TECRL: variants seen among roughly 807,000 people sequenced by gnomAD.
TECRL encodes the protein trans-2,3-enoyl-CoA reductase-like.
Under a neutral mutation model 52.8 loss-of-function variants are expected in TECRL, and 63 were observed. The observed-to-expected ratio is 1.19, with a 90% CI of 0.97 to 1.47. TECRL has a LOEUF of 1.47. Among genes scored for constraint, TECRL ranks in the 40% most tolerant of loss-of-function variants. The pLI, the probability that TECRL is intolerant of heterozygous loss-of-function variation, is 0.00. For synonymous variants in TECRL, 164 were observed against 141.9 expected (o/e 1.16, Z -1.10); for missense variants, 482 against 429.6 (o/e 1.12, Z -1.08).
At chr4:64,318,563 A>G (rs540639311) in intron 4 of TECRL, among the ~76,000 whole-genome samples, 1 of 152,218 alleles carries the variant, frequency 6.6e-6, no homozygotes, top group African/African-American at 2.4e-5. Flanking sequence ...CAAATTGCCG[A>G]TAACAAAACC....
rs771988451 is a variant in TECRL, at chr4:64,409,223, C to T, written c.129G>A (p.Ala43=). 6.2e-6 allele frequency: 10 copies of T among 1,613,754 alleles called. No homozygotes were observed. The highest frequency in any genetic ancestry group is 2.2e-5 in the East Asian group (1 of 44,838). Residue 43 remains alanine, a synonymous_variant, in exon 1 of 12, where the codon GCG becomes GCA. Transcript: ENST00000381210. ...FHFLSKLVLS[A]GPLRPTPAVK... ...CTGCTGGAGTTGGTCTTAGAGGGCC[C>T]GCTGAGAGTACAAGTTTTGACAAAA...
intron 9 of TECRL, among the ~76,000 whole-genome samples, chr4:64,284,945 A>C (rs1398123117): frequency 1.3e-5 from 2 of 152,084 alleles, no homozygotes; most frequent in Non-Finnish European, 2.9e-5. Flanking sequence ...AAACAAATGC[A>C]CATGATAATG....
chr4:64,344,769 C>T (rs1016829199), intron 2 of TECRL, among the ~76,000 whole-genome samples: 7 of 152,126 alleles, frequency 4.6e-5, no homozygotes, highest in Admixed American at 3.9e-4. Flanking sequence ...AATCTGAAAA[C>T]GTTTCAGATA....
At chr4:64,363,983 G>T (rs543515907) in intron 2 of TECRL, among the ~76,000 whole-genome samples, 1 of 151,898 alleles carries the variant, frequency 6.6e-6, no homozygotes, top group Non-Finnish European at 1.5e-5. Context: ...CACACCACAC[G>T]TAATCTAAGA....
At chr4:64,375,324 A>T (rs2109680846) in intron 1 of TECRL, 101 bp from the exon 2 acceptor site, 1 of 566,884 alleles carries the variant, frequency 1.8e-6, no homozygotes, top group East Asian at 3.9e-5. Context: ...ATTCTTACAC[A>T]ATAAGAATTT....
At chr4:64,341,557 A>G (rs1378518789) in intron 2 of TECRL, among the ~76,000 whole-genome samples, 2 of 152,080 alleles carry the variant, frequency 1.3e-5, no homozygotes, top group Non-Finnish European at 2.9e-5. Context: ...GTGAGCTGAG[A>G]TCACATCATT....
At chr4:64,293,234 G>A (rs1352454541) in intron 8 of TECRL, among the ~76,000 whole-genome samples, 1 of 152,052 alleles carries the variant, frequency 6.6e-6, no homozygotes, top group East Asian at 1.9e-4. Flanking sequence ...CTTTGGTCAA[G>A]AAAGTAAATA....
chr4:64,293,631 G>T (rs1170651746), intron 8 of TECRL, among the ~76,000 whole-genome samples: 1 of 150,212 alleles, frequency 6.7e-6, no homozygotes, highest in Non-Finnish European at 1.5e-5. Context: ...AGGACAGCTT[G>T]CAATGATCCA....
At chr4:64,323,071 G>T (rs940995727) in intron 3 of TECRL, among the ~76,000 whole-genome samples, 6 of 151,942 alleles carry the variant, frequency 3.9e-5, no homozygotes, top group Non-Finnish European at 7.4e-5. Context: ...TGTTATATTA[G>T]GACCTAAACA....
intron 2 of TECRL, among the ~76,000 whole-genome samples, chr4:64,335,084 AC>A (rs2110059976): frequency 6.6e-6 from 1 of 152,134 alleles, no homozygotes; most frequent in African/African-American, 2.4e-5. Context: ...TTTCCAACAT[AC>A]TTTAAGGCAG....
intron 1 of TECRL, among the ~76,000 whole-genome samples, chr4:64,391,965 C>T (rs1723577442): frequency 6.6e-6 from 1 of 151,794 alleles, no homozygotes. Flanking sequence ...ATTGAATGCA[C>T]CTGCTAGAAT....
At chr4:64,383,483 T>G (rs888292702) in intron 1 of TECRL, among the ~76,000 whole-genome samples, 2 of 152,050 alleles carry the variant, frequency 1.3e-5, no homozygotes, top group Non-Finnish European at 2.9e-5. Flanking sequence ...CTGTGTTATT[T>G]CAAAAGACAT....
At position 64,309,927 on chromosome 4, in the gene TECRL, C is replaced by T. The variant is rs1724570860; in HGVS notation, c.556G>A (p.Ala186Thr). 2 of 1,578,648 alleles carry T rather than the reference C, an allele frequency of 1.3e-6. No individual in the cohort carries two copies. Among genetic ancestry groups the T allele is most frequent in the East Asian group, 4.6e-5 (2 of 43,834 alleles). The change falls in exon 6 of 12, where the codon GCT becomes ACT. Residue 186 changes from alanine to threonine, a missense_variant. Transcript: ENST00000381210. ...TAGTGTATACAATGACAGAAGCAAG[C>T]CAAGCTGGAAAAAAAAATAAAACAT... ...RRLRHPVVHLACFCHCIHYIR... is the reference protein window; with the variant it reads ...RRLRHPVVHLTCFCHCIHYIR...
intron 4 of TECRL, among the ~76,000 whole-genome samples, chr4:64,318,334 T>C (rs1002758262): frequency 6.6e-5 from 10 of 152,060 alleles, no homozygotes; most frequent in African/African-American, 2.4e-4. Context: ...TTTTCAGATA[T>C]GTAAAAACTT....
intron 2 of TECRL, among the ~76,000 whole-genome samples, chr4:64,347,047 C>G (rs1006781575): frequency 2.0e-5 from 3 of 152,146 alleles, no homozygotes; most frequent in African/African-American, 7.2e-5. Flanking sequence ...TCCTTTAAGT[C>G]AAGGACAGGT....
At chr4:64,376,954 A>AGATCAAAGTTTCTTAATCTGATATG (rs1238745698) in intron 1 of TECRL, among the ~76,000 whole-genome samples, 2 of 152,046 alleles carry the variant, frequency 1.3e-5, no homozygotes, top group Non-Finnish European at 2.9e-5. Context: ...AACCAGAGTA[A>AGATCAAAGTTTCTTAATCTGATATG]GATCAAAGTT....
chr4:64,371,297 TAATTA>T (rs1319560099), intron 2 of TECRL, among the ~76,000 whole-genome samples: 2 of 151,156 alleles, frequency 1.3e-5, no homozygotes, highest in South Asian at 2.1e-4. Flanking sequence ...TCATTATAAT[TAATTA>T]AATTATAATT....
At chr4:64,316,998 G>A (rs775759583) in intron 4 of TECRL, among the ~76,000 whole-genome samples, 18 of 152,130 alleles carry the variant, frequency 1.2e-4, no homozygotes, top group Non-Finnish European at 2.4e-4. Context: ...GTAATAATCG[G>A]CCAGGCGCTG....
At chr4:64,365,094 G>T (rs1050568562) in intron 2 of TECRL, among the ~76,000 whole-genome samples, 1 of 151,676 alleles carries the variant, frequency 6.6e-6, no homozygotes, top group African/African-American at 2.4e-5. Flanking sequence ...GTGGTTCAAG[G>T]TACACAAGTC....
Sources: gnomAD v4.1 joint callset for allele counts (sites outside exome capture counted in the v4.1 genomes callset) on GRCh38, gnomAD v4.1.1 for gene constraint, MANE v1.5 for transcripts, NCBI Gene and HGNC (gene_info 2026-07-23, HGNC 2026-07-21) for gene names.